Variants in ATP10B observed in about 807,000 individuals in gnomAD.
ATP10B encodes phospholipid-transporting ATPase VB.
Under a neutral mutation model 141.2 loss-of-function variants are expected in ATP10B, and 122 were observed. That is an observed-to-expected ratio of 0.86 (90% confidence interval 0.75 to 1.00). The LOEUF (loss-of-function observed/expected upper bound fraction) is 1.00. Among genes scored for constraint, ATP10B ranks in the 50% least tolerant of loss-of-function variants. The probability of loss-of-function intolerance (pLI) is 0.00; values close to 1 mark genes in which losing one functional copy is unlikely to be tolerated. For synonymous variants in ATP10B, 685 were observed against 692.0 expected, an observed-to-expected ratio of 0.99 and a Z score of 0.16; for missense variants, 1,876 against 1,825.3, an observed-to-expected ratio of 1.03 and a Z score of -0.51.
At chr5:160,811,395 C>A (rs1027146411) in intron 1 of ATP10B, among the ~76,000 whole-genome samples, 3 of 152,078 alleles carry the variant, frequency 2.0e-5, no homozygotes, top group Admixed American at 2.0e-4. Context: ...TGATTCCAGG[C>A]CTTGGCTCTT....
chr5:160,873,551 C>G, the ATP10B span, among the ~76,000 whole-genome samples: 4 of 152,200 alleles, frequency 2.6e-5, no homozygotes, highest in East Asian at 5.8e-4. Flanking sequence ...CGAATAGGAA[C>G]AGCTCCGGTC....
chr5:160,809,295 G>A (rs1164671101), intron 1 of ATP10B, among the ~76,000 whole-genome samples: 1 of 152,134 alleles, frequency 6.6e-6, no homozygotes, highest in Non-Finnish European at 1.5e-5. Context: ...CATGGGAGTA[G>A]CAGTTGCTGA....
chr5:160,758,347 A>G (rs1480669241), intron 2 of ATP10B, among the ~76,000 whole-genome samples: 1 of 152,186 alleles, frequency 6.6e-6, no homozygotes, highest in Non-Finnish European at 1.5e-5. Flanking sequence ...TAACACACAT[A>G]CAGCCCTCTG....
chr5:160,682,864 C>A (rs1159057810), intron 6 of ATP10B, among the ~76,000 whole-genome samples: 1 of 151,524 alleles, frequency 6.6e-6, no homozygotes, highest in African/African-American at 2.4e-5. Flanking sequence ...ATGGTGAAAC[C>A]CCGTCTCTAC....
chr5:160,697,937 G>A (rs181340472), intron 3 of ATP10B, among the ~76,000 whole-genome samples: 1 of 152,174 alleles, frequency 6.6e-6, no homozygotes, highest in Non-Finnish European at 1.5e-5. Context: ...GATTTCCAAA[G>A]ATGAATATTT....
intron 7 of ATP10B, among the ~76,000 whole-genome samples, chr5:160,668,735 T>G (rs1762475797): frequency 1.3e-5 from 2 of 152,200 alleles, no homozygotes; most frequent in Non-Finnish European, 2.9e-5. Flanking sequence ...ATTGTGAGTC[T>G]CTTGGGTAGC....
chr5:160,666,636 A>G (rs140141509), intron 7 of ATP10B, among the ~76,000 whole-genome samples: 105 of 152,292 alleles, frequency 6.9e-4, no homozygotes, highest in African/African-American at 2.3e-3. Context: ...ATGTTTGTTC[A>G]ATACGTTAGG....
At chr5:160,794,010 G>C (rs774574412) in intron 1 of ATP10B, among the ~76,000 whole-genome samples, 8 of 152,188 alleles carry the variant, frequency 5.3e-5, no homozygotes, top group Non-Finnish European at 1.0e-4. Context: ...TGTGATGTTA[G>C]TACAGGATAA....
chr5:160,652,816 A>G (rs1227631651), intron 7 of ATP10B, among the ~76,000 whole-genome samples: 1 of 103,476 alleles, frequency 9.7e-6, no homozygotes, highest in Non-Finnish European at 1.7e-5. Flanking sequence ...ATAATATATT[A>G]TATATTAATT....
At chr5:160,619,919 C>G (rs115268856) in intron 15 of ATP10B, among the ~76,000 whole-genome samples, 2,336 of 152,326 alleles carry the variant, frequency 0.015, 27 homozygotes, top group Middle Eastern at 0.075. Flanking sequence ...GGATTTAACA[C>G]TAGTTAACCA....
At chr5:160,746,189 C>T (rs1419422623) in intron 2 of ATP10B, among the ~76,000 whole-genome samples, 1 of 152,178 alleles carries the variant, frequency 6.6e-6, no homozygotes, top group Non-Finnish European at 1.5e-5. Context: ...CCACTAGATG[C>T]TATCTCTCTC....
intron 1 of ATP10B, among the ~76,000 whole-genome samples, chr5:160,842,819 C>G (rs1032638515): frequency 6.6e-6 from 1 of 152,100 alleles, no homozygotes; most frequent in African/African-American, 2.4e-5. Context: ...CACACACACA[C>G]ACACACAAAA....
intron 2 of ATP10B, among the ~76,000 whole-genome samples, chr5:160,724,368 C>T (rs1476141593): frequency 1.3e-5 from 2 of 150,992 alleles, no homozygotes; most frequent in South Asian, 2.1e-4. Context: ...AGTGATCATC[C>T]CACCTCAGTC....
At chr5:160,572,940 T>C (rs1165579445) in intron 24 of ATP10B, among the ~76,000 whole-genome samples, 5 of 152,226 alleles carry the variant, frequency 3.3e-5, no homozygotes, top group Non-Finnish European at 7.4e-5. Flanking sequence ...TCTTTCATCT[T>C]GAACACAAAT....
At chr5:160,907,468 A>G in the ATP10B span, among the ~76,000 whole-genome samples, 1 of 152,054 alleles carries the variant, frequency 6.6e-6, no homozygotes, top group African/African-American at 2.4e-5. Flanking sequence ...GGCTTAAGCA[A>G]TCCTCCCACC....
rs1238728483 is a variant in ATP10B at position 160,650,147 on chromosome 5, CATACATATAT to C, written c.676-901_676-892del. On this transcript the variant is annotated intron_variant, in intron 7 of 25. Transcript: ENST00000327245. ...ATATATATATATACACACACACACA[CATACATATAT>C]ATACATATATATACATACATATATA... 5.3e-4 allele frequency among the ~76,000 whole-genome samples: 79 copies of C among 148,898 alleles called. 1 individual carries two copies. Among genetic ancestry groups the C allele is most frequent in the African/African-American group, 1.3e-3 (53 of 40,174 alleles).
chr5:160,789,334 T>A (rs571939644), intron 1 of ATP10B, among the ~76,000 whole-genome samples: 1 of 152,130 alleles, frequency 6.6e-6, no homozygotes, highest in Admixed American at 6.5e-5. Flanking sequence ...GTAAACACCA[T>A]AGAGTGAACT....
intron 1 of ATP10B, among the ~76,000 whole-genome samples, chr5:160,832,289 T>G (rs1350693734): frequency 1.3e-5 from 2 of 152,154 alleles, no homozygotes; most frequent in African/African-American, 4.8e-5. Flanking sequence ...ATTTGTAGTA[T>G]TATGTATTTA....
the ATP10B span, among the ~76,000 whole-genome samples, chr5:160,862,761 A>T: frequency 3.9e-5 from 6 of 152,056 alleles, no homozygotes; most frequent in South Asian, 1.2e-3. Flanking sequence ...TTTATTCTTT[A>T]CCATAATAAC....
Sources: gnomAD v4.1 joint callset for allele counts (sites outside exome capture counted in the v4.1 genomes callset) on GRCh38, gnomAD v4.1.1 for gene constraint, MANE v1.5 for transcripts, NCBI Gene and HGNC (gene_info 2026-07-23, HGNC 2026-07-21) for gene names.